The following VEPH1 variants were observed in gnomAD, a reference collection of about 807,000 sequenced individuals.
VEPH1 encodes ventricular zone expressed PH domain containing 1.
VEPH1 carries 80 observed loss-of-function variants against 85.2 expected under a neutral mutation model. That is an observed-to-expected ratio of 0.94 (90% CI 0.78 to 1.13). The LOEUF (loss-of-function observed/expected upper bound fraction) is 1.13. Among genes scored for constraint, VEPH1 ranks in the 50% most tolerant of loss-of-function variants. VEPH1 has a pLI of 0.00. For synonymous variants in VEPH1, 297 were observed against 348.0 expected, an observed-to-expected ratio of 0.85 and a Z score of 1.63; for missense variants, 955 against 980.5, an observed-to-expected ratio of 0.97 and a Z score of 0.35.
At chr3:157,403,171 T>C (rs1418266018) in intron 6 of VEPH1, among the ~76,000 whole-genome samples, 1 of 152,174 alleles carries the variant, frequency 6.6e-6, no homozygotes, top group East Asian at 1.9e-4. Context: ...TTTTACATCA[T>C]AGTGATAATA....
Position 157,495,366 on chromosome 3 carries a change from A to G in VEPH1, c.-17T>C, listed in dbSNP as rs773763782. The G allele has an allele frequency of 6.8e-6, 11 of 1,612,844 alleles. No individual in the cohort carries two copies. The highest frequency in any genetic ancestry group is 8.5e-6 in the Non-Finnish European group (10 of 1,179,500). On this transcript the variant is annotated 5_prime_UTR_variant, in exon 2 of 14. Coordinates refer to ENST00000362010, the MANE Select transcript of VEPH1 (RefSeq NM_001167912.2). ...TTGATGCATGGTGAGGATGAGTTTG[A>G]TCAGTTGACTTTCTACAGACCCAGA...
At chr3:157,481,457 CACACACACAAAAA>C (rs1738051182) in intron 2 of VEPH1, among the ~76,000 whole-genome samples, 2 of 68,484 alleles carry the variant, frequency 2.9e-5, no homozygotes, top group Admixed American at 3.1e-4. Context: ...CACACACACA[CACACACACAAAAA>C]AAAAAAAAAA....
At chr3:157,440,883 C>T (rs1035071076) in intron 4 of VEPH1, among the ~76,000 whole-genome samples, 5 of 152,150 alleles carry the variant, frequency 3.3e-5, no homozygotes, top group African/African-American at 1.2e-4. Context: ...ACATGTTCTC[C>T]AACCAGGCCC....
rs1266349692 is a variant in VEPH1, at chr3:157,482,543, G to T, written c.139-12014C>A. On this transcript the variant is annotated intron_variant, in intron 2 of 13. Coordinates refer to ENST00000362010, the MANE Select transcript of VEPH1 (RefSeq NM_001167912.2). ...CCAGCTGATGTTGATAGTTTGATAG[G>T]AATTGTGTTGAATCTATAAATTGCT... 2.6e-5 allele frequency among the ~76,000 whole-genome samples: 4 copies of T among 152,074 alleles called. No homozygotes were observed. The South Asian group carries it at 8.3e-4, about 31-fold the overall frequency.
At chr3:157,263,010 C>G (rs936513698) in intron 13 of VEPH1, among the ~76,000 whole-genome samples, 7 of 152,144 alleles carry the variant, frequency 4.6e-5, no homozygotes, top group African/African-American at 1.7e-4. Flanking sequence ...GATAGAAAGT[C>G]AAAGGACACT....
chr3:157,436,866 G>T lies in VEPH1; in HGVS notation c.530-8378C>A, dbSNP rs181499481. The T allele has an allele frequency of 7.7e-5, 119 of 1,553,740 alleles. No individual in the cohort carries two copies. The African/African-American group carries it at 1.5e-3, about 20-fold the overall frequency. ...CAGCCTCTCACTCTCACTCTCCTCC[G>T]CTCAAACTCAGCTCACTTGAGAGTC... On this transcript the variant is annotated intron_variant, in intron 4 of 13. Coordinates refer to ENST00000362010, the MANE Select transcript of VEPH1 (RefSeq NM_001167912.2).
At chr3:157,264,605 C>T (rs1295484564) in intron 13 of VEPH1, among the ~76,000 whole-genome samples, 1 of 152,186 alleles carries the variant, frequency 6.6e-6, no homozygotes, top group East Asian at 1.9e-4. Flanking sequence ...CAGTTATACC[C>T]TTTCTCACCT....
chr3:157,304,883 AG>A lies in VEPH1; in HGVS notation c.2010+8737del, dbSNP rs1437432553. ...TCCTCCAAATAATATTCTTTATAAA[AG>A]TAATTTTGTACCCTGAAATATGGTA... On this transcript the variant is annotated intron_variant, in intron 11 of 13. Transcript: ENST00000362010. Among the ~76,000 whole-genome samples the A allele has an allele frequency of 9.2e-5, 14 of 152,168 alleles. No individual in the cohort carries two copies. The East Asian group carries it at 2.7e-3, about 29-fold the overall frequency.
At chr3:157,371,377 TG>T (rs1727469561) in intron 7 of VEPH1, among the ~76,000 whole-genome samples, 1 of 152,242 alleles carries the variant, frequency 6.6e-6, no homozygotes, top group African/African-American at 2.4e-5. Flanking sequence ...CTAATTCAGA[TG>T]CCCAATCATT....
intron 9 of VEPH1, among the ~76,000 whole-genome samples, chr3:157,323,499 A>T (rs763982028): frequency 7.9e-5 from 12 of 152,236 alleles, no homozygotes; most frequent in African/African-American, 1.7e-4. Context: ...TATTTACAAC[A>T]GTATTAGTTG....
At chr3:157,275,840 G>A (rs537487852) in intron 12 of VEPH1, among the ~76,000 whole-genome samples, 1 of 150,678 alleles carries the variant, frequency 6.6e-6, no homozygotes, top group Non-Finnish European at 1.5e-5. Flanking sequence ...CTCCTTCCAT[G>A]GTTTTACTGA....
rs1367445353 is a variant in VEPH1, at chr3:157,413,967, G to A, written c.820C>T (p.Pro274Ser). 8.7e-6 allele frequency: 14 copies of A among 1,613,450 alleles called. No homozygotes were observed. Among genetic ancestry groups the A allele is most frequent in the Non-Finnish European group, 1.2e-5 (14 of 1,179,736 alleles). ...YEPVALNSFL[P>S]MLKEIGERFP... ...CTCTCACCAATCTCTTTCAGCATTG[G>A]AAGAAAACTGTTCAAAGCCACTGGC... The change falls in exon 6 of 14, where the codon CCA (proline) becomes TCA (serine). Residue 274 changes from proline to serine, a missense_variant. Pro to Ser is a moderately conservative substitution (Grantham distance 74). Coordinates refer to ENST00000362010, the MANE Select transcript of VEPH1 (RefSeq NM_001167912.2).
At chr3:157,288,581 G>GT (rs1023639651) in intron 11 of VEPH1, among the ~76,000 whole-genome samples, 4 of 151,990 alleles carry the variant, frequency 2.6e-5, no homozygotes, top group Non-Finnish European at 5.9e-5. Context: ...CCAGCACAAA[G>GT]TTTTTTACTA....
rs543045314 is a variant in VEPH1 at position 157,340,405 on chromosome 3, C to T, written c.1735+22959G>A. On this transcript the variant is annotated intron_variant, in intron 9 of 13. Coordinates refer to ENST00000362010, the MANE Select transcript of VEPH1 (RefSeq NM_001167912.2). ...GCACCTGGCTCAGAGGGTCCCATGCCCATGGAGCCTCGCTCATTGCTAGCA... is the reference window on the plus strand; with the variant it reads ...GCACCTGGCTCAGAGGGTCCCATGCTCATGGAGCCTCGCTCATTGCTAGCA... Among the ~76,000 whole-genome samples, 348 of 152,280 alleles carry T rather than the reference C, an allele frequency of 2.3e-3. 1 individual carries two copies. Among genetic ancestry groups the T allele is most frequent in the African/African-American group, 8.0e-3 (333 of 41,546 alleles).
intron 4 of VEPH1, chr3:157,437,434 C>G (rs888420704): frequency 1.3e-6 from 2 of 1,525,384 alleles, no homozygotes; most frequent in African/African-American, 2.8e-5. Context: ...TTGGCACCAC[C>G]GAGGGAGGTC....
At chr3:157,344,214 A>T (rs9682682) in intron 9 of VEPH1, among the ~76,000 whole-genome samples, 1 of 152,078 alleles carries the variant, frequency 6.6e-6, no homozygotes, top group Non-Finnish European at 1.5e-5. Flanking sequence ...AGGGTATTCA[A>T]TTAGGAAAAG....
intron 2 of VEPH1, among the ~76,000 whole-genome samples, chr3:157,488,783 C>T (rs997788967): frequency 1.3e-5 from 2 of 151,950 alleles, no homozygotes; most frequent in African/African-American, 4.8e-5. Context: ...AAGTGGAACT[C>T]GTGATTCTTC....
At chr3:157,468,478 G>A (rs1184895044) in intron 3 of VEPH1, among the ~76,000 whole-genome samples, 1 of 152,152 alleles carries the variant, frequency 6.6e-6, no homozygotes, top group Non-Finnish European at 1.5e-5. Flanking sequence ...AGGAGGCTGA[G>A]GCAGGAGAAT....
At chr3:157,332,073 G>A (rs1449765192) in intron 9 of VEPH1, among the ~76,000 whole-genome samples, 1 of 152,176 alleles carries the variant, frequency 6.6e-6, no homozygotes, top group Non-Finnish European at 1.5e-5. Context: ...CCCAGTACAT[G>A]GTGCTTGCGG....
Sources: gnomAD v4.1 joint callset for allele counts (sites outside exome capture counted in the v4.1 genomes callset) on GRCh38, gnomAD v4.1.1 for gene constraint, MANE v1.5 for transcripts, NCBI Gene and HGNC (gene_info 2026-07-23, HGNC 2026-07-21) for gene names.